Variants in PRKN observed in about 807,000 individuals in gnomAD.
PRKN encodes the protein E3 ubiquitin-protein ligase parkin.
A neutral mutation model predicts 59.5 loss-of-function variants in PRKN; 56 were observed. That is an observed-to-expected ratio of 0.94 (90% CI 0.76 to 1.18). PRKN has a LOEUF of 1.18. PRKN is among the 50% of genes most tolerant of loss of function. The pLI, the probability that PRKN is intolerant of heterozygous loss-of-function variation, is 0.00. For missense variants in PRKN, 657 were observed against 596.4 expected (o/e 1.10, Z -1.06); for synonymous variants, 250 against 222.1 (o/e 1.13, Z -1.12).
intron 2 of PRKN, among the ~76,000 whole-genome samples, chr6:162,426,907 GCAT>G (rs1238140979): frequency 6.6e-6 from 1 of 152,178 alleles, no homozygotes; most frequent in Non-Finnish European, 1.5e-5. Context: ...TCCAATAACA[GCAT>G]CAAAGTTAAG....
At chr6:162,170,859 C>A (rs1329870856) in intron 4 of PRKN, among the ~76,000 whole-genome samples, 1 of 152,090 alleles carries the variant, frequency 6.6e-6, no homozygotes, top group Non-Finnish European at 1.5e-5. Context: ...GCTTGTGTCT[C>A]ATTTAAGTTA....
intron 6 of PRKN, among the ~76,000 whole-genome samples, chr6:161,793,011 C>T (rs1428627885): frequency 6.6e-6 from 1 of 152,130 alleles, no homozygotes; most frequent in Non-Finnish European, 1.5e-5. Context: ...AAAGAAGTAA[C>T]CGGCACAGCG....
chr6:162,477,022 C>A (rs1470511375), intron 1 of PRKN, among the ~76,000 whole-genome samples: 1 of 152,172 alleles, frequency 6.6e-6, no homozygotes. Context: ...TGCAGCAACT[C>A]TGACTGAAGC....
chr6:162,715,293 A>C (rs921710659), intron 1 of PRKN, among the ~76,000 whole-genome samples: 3 of 152,218 alleles, frequency 2.0e-5, no homozygotes, highest in Non-Finnish European at 2.9e-5. Flanking sequence ...TTTGAATCAC[A>C]CTTTCATTTA....
rs145927656 is a variant in PRKN at position 162,156,912 on chromosome 6, T to G, written c.534+44219A>C. ...GCCCTATCTGGGAGCCTGATTTGTC[T>G]AAGCATCCCCTTGACGTTAGGCACT... On this transcript the variant is annotated intron_variant, in intron 4 of 11. Coordinates refer to ENST00000366898, the MANE Select transcript of PRKN (RefSeq NM_004562.3). 1.7e-3 allele frequency among the ~76,000 whole-genome samples: 258 copies of G among 152,234 alleles called. 2 individuals carry two copies. Among genetic ancestry groups the G allele is most frequent in the African/African-American group, 6.0e-3 (248 of 41,538 alleles).
intron 7 of PRKN, among the ~76,000 whole-genome samples, chr6:161,762,102 G>A (rs1562663939): frequency 6.6e-6 from 1 of 152,170 alleles, no homozygotes; most frequent in Non-Finnish European, 1.5e-5. Context: ...ACATGAAGTC[G>A]TGCTCTGGGA....
At chr6:161,662,404 G>A (rs1470133156) in intron 7 of PRKN, among the ~76,000 whole-genome samples, 1 of 152,138 alleles carries the variant, frequency 6.6e-6, no homozygotes, top group Non-Finnish European at 1.5e-5. Flanking sequence ...TTCGAGGGAT[G>A]GTGGTGGTGG....
chr6:161,940,404 G>A (rs1369769581), intron 6 of PRKN, among the ~76,000 whole-genome samples: 1 of 152,194 alleles, frequency 6.6e-6, no homozygotes, highest in Non-Finnish European at 1.5e-5. Context: ...CCAGCAAGGT[G>A]GTGCCTCCAT....
intron 6 of PRKN, among the ~76,000 whole-genome samples, chr6:161,920,530 C>A (rs1350613889): frequency 1.3e-5 from 2 of 151,968 alleles, no homozygotes; most frequent in African/African-American, 4.8e-5. Context: ...GTGGCTCATG[C>A]CGGTAATCCC....
intron 2 of PRKN, among the ~76,000 whole-genome samples, chr6:162,387,034 C>T (rs1332787642): frequency 2.0e-5 from 3 of 151,992 alleles, no homozygotes; most frequent in South Asian, 4.2e-4. Context: ...TCGACTTGAG[C>T]AGGGACCCCA....
chr6:162,428,934 C>G (rs2128162141), intron 2 of PRKN, among the ~76,000 whole-genome samples: 1 of 152,320 alleles, frequency 6.6e-6, no homozygotes, highest in African/African-American at 2.4e-5. Context: ...GCTCCTTTAG[C>G]TTTCAGCTCA....
chr6:162,523,635 G>A (rs1778159179), intron 1 of PRKN, among the ~76,000 whole-genome samples: 1 of 152,128 alleles, frequency 6.6e-6, no homozygotes, highest in Non-Finnish European at 1.5e-5. Flanking sequence ...CTGTATTCCA[G>A]CCTGGGTGAC....
Position 161,530,682 on chromosome 6 carries a change from A to T in PRKN, c.1083+18172T>A, listed in dbSNP as rs1318694638. ...AGGCATTTACCACCACGCCTGGCTA[A>T]TTTTTTTCTATTTTTAGTGGAGACG... On this transcript the variant is annotated intron_variant, in intron 9 of 11. Transcript: ENST00000366898. This position sits in a 1 kb window ranked among gnomAD's most constrained non-coding sequence, Gnocchi z 5.0. 3.3e-5 allele frequency among the ~76,000 whole-genome samples: 5 copies of T among 151,472 alleles called. No individual in the cohort carries two copies. Among genetic ancestry groups the T allele is most frequent in the East Asian group, 2.0e-4 (1 of 5,076 alleles).
rs541809104 is a variant in PRKN, at chr6:161,479,032, A to G, written c.1083+69822T>C. Among the ~76,000 whole-genome samples, 3 of 152,334 alleles carry G rather than the reference A, an allele frequency of 2.0e-5. No homozygotes were observed. The South Asian group carries it at 6.2e-4, about 32-fold the overall frequency. ...TTATACATAGAGTGTAACAATTTGGATGAAAGAAAAAAGATATATTTGCTT... is the reference window on the plus strand; with the variant it reads ...TTATACATAGAGTGTAACAATTTGGGTGAAAGAAAAAAGATATATTTGCTT... On this transcript the variant is annotated intron_variant, in intron 9 of 11. Coordinates refer to ENST00000366898, the MANE Select transcript of PRKN (RefSeq NM_004562.3).
At chr6:162,138,038 G>A (rs915726486) in intron 4 of PRKN, among the ~76,000 whole-genome samples, 10 of 152,064 alleles carry the variant, frequency 6.6e-5, no homozygotes, top group Non-Finnish European at 1.3e-4. Context: ...AGAAGTCTCG[G>A]TGAACTGGGG....
chr6:162,492,029 G>A (rs1354900840), intron 1 of PRKN, among the ~76,000 whole-genome samples: 2 of 152,174 alleles, frequency 1.3e-5, no homozygotes, highest in Non-Finnish European at 2.9e-5. Flanking sequence ...TGTCTCGGGT[G>A]CAGAGGAAAT....
intron 7 of PRKN, among the ~76,000 whole-genome samples, chr6:161,768,766 T>A (rs372221665): frequency 6.6e-5 from 10 of 152,106 alleles, no homozygotes; most frequent in African/African-American, 2.2e-4. Context: ...CATAAATGAG[T>A]TTTATTCATT....
At chr6:162,710,300 A>T (rs1479188113) in intron 1 of PRKN, among the ~76,000 whole-genome samples, 1 of 150,278 alleles carries the variant, frequency 6.7e-6, no homozygotes, top group Non-Finnish European at 1.5e-5. Flanking sequence ...AGCTGCTTTA[A>T]GGAGAAGGAT....
rs149990298 is a variant in PRKN, at chr6:162,436,358, A to G, written c.171+6952T>C. On this transcript the variant is annotated intron_variant, in intron 2 of 11. Coordinates refer to ENST00000366898, the MANE Select transcript of PRKN (RefSeq NM_004562.3). ...CTGTTTCCTTTTTTTTTTTTGAAAC[A>G]GAGTCTCTTTGTGGCCCAGGCTGGA... Among the ~76,000 whole-genome samples the G allele has an allele frequency of 8.0e-3, 1,213 of 150,770 alleles. 18 individuals are homozygous for G. The highest frequency in any genetic ancestry group is 0.028 in the African/African-American group (1,147 of 41,046).
Sources: gnomAD v4.1 joint callset for allele counts (sites outside exome capture counted in the v4.1 genomes callset) on GRCh38, gnomAD v4.1.1 for gene constraint, Gnocchi (gnomAD v3.1) non-coding constraint, MANE v1.5 for transcripts, NCBI Gene and HGNC (gene_info 2026-07-23, HGNC 2026-07-21) for gene names.